The following PTCH1 variants were observed in gnomAD, a reference collection of about 807,000 sequenced individuals.
PTCH1 encodes the protein protein patched homolog 1.
A neutral mutation model predicts 144.6 loss-of-function variants in PTCH1; 14 were observed. That is an observed-to-expected ratio of 0.10 (90% confidence interval 0.06 to 0.15). The LOEUF is 0.15. Ranked by LOEUF, PTCH1 falls within the 10% of genes least tolerant of loss-of-function variation. The pLI is 1.00. For synonymous variants in PTCH1, 833 were observed against 793.6 expected (o/e 1.05, Z -0.83); for missense variants, 1,623 against 1,948.3 (o/e 0.83, Z 3.14).
At chr9:95,473,540 CT>C (rs1840765583) in intron 12 of PTCH1, among the ~76,000 whole-genome samples, 3 of 146,300 alleles carry the variant, frequency 2.1e-5, no homozygotes, top group Admixed American at 6.9e-5. Context: ...ATTTTCTATC[CT>C]ATTTTTTTTT....
rs1373343974 is a variant in PTCH1, at chr9:95,508,393, C to A, written c.-32G>T. On this transcript the variant is annotated 5_prime_UTR_variant, in exon 1 of 24. Transcript: ENST00000331920. ...GCCGCCGCCGCCGCCGCCGCGGGGA[C>A]GGAGGCTTCCCGGGCGGCCCGGCGC... is the stretch of plus-strand genomic sequence containing the variant. 1.9e-5 allele frequency: 21 copies of A among 1,114,230 alleles called. No individual in the cohort carries two copies. The East Asian group carries it at 1.1e-3, about 56-fold the overall frequency. 69.0% of individuals were successfully genotyped at this position (1,114,230 alleles called of 1,614,324 possible).
At chr9:95,457,439 G>A (rs749679394) in intron 18 of PTCH1, among the ~76,000 whole-genome samples, 1 of 152,164 alleles carries the variant, frequency 6.6e-6, no homozygotes, top group Non-Finnish European at 1.5e-5. Flanking sequence ...ATAGTTCACA[G>A]AATTTAAACA....
At chr9:95,488,250 T>C (rs150585244) in intron 2 of PTCH1, among the ~76,000 whole-genome samples, 8 of 152,218 alleles carry the variant, frequency 5.3e-5, no homozygotes, top group Non-Finnish European at 1.2e-4. Flanking sequence ...AATAAAGGTA[T>C]AGATTTGTCC....
intron 2 of PTCH1, among the ~76,000 whole-genome samples, chr9:95,492,845 G>C (rs1156632977): frequency 6.6e-6 from 1 of 151,888 alleles, no homozygotes; most frequent in East Asian, 1.9e-4. Flanking sequence ...GGCTCCCTGG[G>C]TCACAGTGGA....
chr9:95,479,198 T>C (rs1419785800), intron 7 of PTCH1, 51 bp from the exon 8 acceptor site: 3 of 1,612,718 alleles, frequency 1.9e-6, no homozygotes, highest in South Asian at 1.1e-5. Context: ...CAGGAAGCAG[T>C]TTCCACTGCC....
At position 95,444,145 on chromosome 9, in the gene PTCH1, CA is replaced by C. The variant is rs1359270843; in HGVS notation, c.*2247del. 2.7e-5 allele frequency: 4 copies of C among 150,516 alleles called. No individual in the cohort carries two copies. Among genetic ancestry groups the C allele is most frequent in the African/African-American group, 9.8e-5 (4 of 40,630 alleles). 9.3% of individuals were successfully genotyped at this position (150,516 alleles called of 1,614,324 possible). A position where few individuals can be genotyped will look rare whatever the true frequency, so the allele number is the denominator to read the frequency against. On this transcript the variant is annotated 3_prime_UTR_variant, in exon 24 of 24. Transcript: ENST00000331920. The stretch of plus-strand genomic sequence containing the variant: ...AAATTAAAACATCCAAATGAACAAA[CA>C]GGACAGACAAAATAAAACTATTAAA...
At chr9:95,453,731 A>G in intron 19 of PTCH1, 111 bp from the exon 20 acceptor site, 1 of 1,450,252 alleles carries the variant, frequency 6.9e-7, no homozygotes, top group Non-Finnish European at 9.4e-7. Context: ...TTACTGTTTT[A>G]GTTGCTAGAA....
rs56381448 is a variant in PTCH1, at chr9:95,459,982, G to T, written c.2704-199C>A. The T allele has an allele frequency of 2.4e-5, 16 of 655,552 alleles. No individual in the cohort carries two copies. The East Asian group carries it at 2.5e-4, about 10-fold the overall frequency. 40.6% of individuals were successfully genotyped at this position (655,552 alleles called of 1,614,324 possible). ...CTTATCGGAGGATGCAATCACTGGC[G>T]TGTTTATAACAAACACAGTTCTGCA... is the stretch of plus-strand genomic sequence containing the variant. On this transcript the variant is annotated intron_variant, in intron 16 of 23. Coordinates refer to ENST00000331920, the MANE Select transcript of PTCH1 (RefSeq NM_000264.5).
chr9:95,507,574 GA>G (rs527331286), intron 1 of PTCH1: 88 of 426,630 alleles, frequency 2.1e-4, no homozygotes, highest in African/African-American at 1.7e-3. Flanking sequence ...AAACGGGGGG[GA>G]TATCTTTTTC....
Position 95,508,643 on chromosome 9 carries a change from C to T in PTCH1, c.-282G>A, listed in dbSNP as rs981063893. On this transcript the variant is annotated 5_prime_UTR_variant, in exon 1 of 24. Transcript: ENST00000331920. ...GGGGTCCCGAGGTCTCTGCGGCCGC[C>T]GCTGCCCACATCCAGTTCGCGGAAG... is the stretch of plus-strand genomic sequence containing the variant. 2 of 989,094 alleles carry T rather than the reference C, an allele frequency of 2.0e-6. No homozygotes were observed. The highest frequency in any genetic ancestry group is 4.7e-5 in the South Asian group (1 of 21,328). The allele number at this position is 989,094 out of a possible 1,614,324, so 61.3% of individuals were successfully genotyped here.
At position 95,507,205 on chromosome 9, in the gene PTCH1, G is replaced by A. The variant is rs895343882; in HGVS notation, c.202-606C>T. 9.1e-6 allele frequency: 9 copies of A among 985,496 alleles called. No homozygotes were observed. The African/African-American group carries it at 1.6e-4, about 17-fold the overall frequency. 61.0% of individuals were successfully genotyped at this position (985,496 alleles called of 1,614,324 possible). Reference sequence around the variant, plus strand: ...GAGGCTGTGTGAGCTGAATTAGGAAGTGGGGCAGCCAGCTGCAACTTACGA... The same window carrying A: ...GAGGCTGTGTGAGCTGAATTAGGAAATGGGGCAGCCAGCTGCAACTTACGA... On this transcript the variant is annotated intron_variant, in intron 1 of 23. Transcript: ENST00000331920.
chr9:95,480,030 G>T lies in PTCH1; in HGVS notation c.1006C>A (p.His336Asn), dbSNP rs1446713476. Residue 336 changes from histidine to asparagine, a missense_variant, in exon 7 of 24, where the codon CAC becomes AAC. By Grantham distance (68) the His-to-Asn change is moderately conservative (BLOSUM62 1). Transcript: ENST00000331920. Reference protein sequence around the residue: ...GCHGLSRKYMHWQEELIVGGT... With the variant: ...GCHGLSRKYMNWQEELIVGGT... The stretch of plus-strand genomic sequence containing the variant: ...CCCACAATCAACTCCTCCTGCCAGT[G>T]CATATACTTTCTGGATAAGCCATGA... 6.2e-7 allele frequency: 1 copy of T among 1,613,926 alleles called. No homozygotes were observed. Among genetic ancestry groups the T allele is most frequent in the Admixed American group, 1.7e-5 (1 of 59,990 alleles).
intron 3 of PTCH1, chr9:95,484,337 T>A (rs901023595): frequency 6.6e-6 from 1 of 152,214 alleles, no homozygotes; most frequent in African/African-American, 2.4e-5. Context: ...CTTGCATTCA[T>A]GTATCTGGTC....
chr9:95,461,552 T>G (rs572075589), intron 16 of PTCH1, among the ~76,000 whole-genome samples: 9 of 152,300 alleles, frequency 5.9e-5, no homozygotes, highest in African/African-American at 1.9e-4. Flanking sequence ...GCCGCTGCAT[T>G]TCTAACATTG....
In PTCH1 at chr9:95,474,481, G is replaced by A. The variant is rs1196477312; in HGVS notation, c.1728+1553C>T. ...GTCCTGTGCTTTGGTTCGAGCATCA[G>A]ATCTGAACGTTATTCATTGATTCAC... On this transcript the variant is annotated intron_variant, in intron 12 of 23. Coordinates refer to ENST00000331920, the MANE Select transcript of PTCH1 (RefSeq NM_000264.5). Among the ~76,000 whole-genome samples, 3 of 152,172 alleles carry A rather than the reference G, an allele frequency of 2.0e-5. No homozygotes were observed. The South Asian group carries it at 6.2e-4, about 32-fold the overall frequency.
At chr9:95,492,606 T>C (rs1842490262) in intron 2 of PTCH1, among the ~76,000 whole-genome samples, 1 of 151,950 alleles carries the variant, frequency 6.6e-6, no homozygotes, top group African/African-American at 2.4e-5. Flanking sequence ...TCCTCAAGCT[T>C]TCTCATCATG....
At position 95,459,614 on chromosome 9, in the gene PTCH1, T is replaced by G; in HGVS notation, c.2873A>C (p.Glu958Ala). Residue 958 changes from glutamate to alanine, a missense_variant, in exon 17 of 24, where the codon GAA (glutamate) becomes GCA (alanine). Around this residue, in one of 7 missense-constraint regions of PTCH1, gnomAD observed 504 missense variants for 679.3 expected, o/e 0.74. Coordinates refer to ENST00000331920, the MANE Select transcript of PTCH1 (RefSeq NM_000264.5). ...WVHDKADYMP[E>A]TRLRIPAAEP... ...ACGCTACTTACTTCTCAGCCTTGTTTCAGGCATGTAGTCGGCTTTGTCGTG... is the reference window on the plus strand; with the variant it reads ...ACGCTACTTACTTCTCAGCCTTGTTGCAGGCATGTAGTCGGCTTTGTCGTG... The G allele has an allele frequency of 6.2e-7, 1 of 1,613,918 alleles. No homozygotes were observed. The highest frequency in any genetic ancestry group is 8.5e-7 in the Non-Finnish European group (1 of 1,180,030).
intron 13 of PTCH1, 21 bp from the exon 14 acceptor site, chr9:95,469,174 TTG>T: frequency 6.2e-7 from 1 of 1,613,928 alleles, no homozygotes; most frequent in East Asian, 2.2e-5. Flanking sequence ...GGGAAACATG[TTG>T]CAATGTTATG....
chr9:95,479,534 G>A (rs1011474702), intron 7 of PTCH1, among the ~76,000 whole-genome samples: 17 of 152,096 alleles, frequency 1.1e-4, no homozygotes, highest in African/African-American at 3.9e-4. Flanking sequence ...TACACGAAAC[G>A]CCAGACACCT....
Sources: allele counts gnomAD v4.1 joint callset (sites outside exome capture counted in the v4.1 genomes callset), GRCh38; gene constraint gnomAD v4.1.1; regional missense constraint gnomAD v4.1.1; transcripts MANE v1.5; gene names NCBI Gene and HGNC (gene_info 2026-07-23, HGNC 2026-07-21).